Variants in TCTN2 observed in about 807,000 individuals in gnomAD.
TCTN2 encodes tectonic family member 2.
Under a neutral mutation model 83.4 loss-of-function variants are expected in TCTN2, and 66 were observed. The observed-to-expected ratio is 0.79, with a 90% CI of 0.65 to 0.97. TCTN2 has a LOEUF of 0.97. Ranked by LOEUF, TCTN2 falls within the 50% of genes least tolerant of loss-of-function variation. The pLI is 0.00. For missense variants in TCTN2, 794 were observed against 858.1 expected, an observed-to-expected ratio of 0.93 and a Z score of 0.93; for synonymous variants, 301 against 326.7, an observed-to-expected ratio of 0.92 and a Z score of 0.85.
chr12:123,688,436 C>T (rs971548334), intron 7 of TCTN2, among the ~76,000 whole-genome samples: 3 of 151,974 alleles, frequency 2.0e-5, no homozygotes, highest in South Asian at 2.1e-4. Flanking sequence ...TGGATGATCT[C>T]GATCTCTTGA....
At chr12:123,679,736 GTTT>G (rs768949387) in intron 5 of TCTN2, among the ~76,000 whole-genome samples, 2 of 105,738 alleles carry the variant, frequency 1.9e-5, no homozygotes, top group African/African-American at 7.0e-5. Context: ...TTCAAATTGA[GTTT>G]TTTTTTTTTT....
chr12:123,698,869 G>A (rs530024655), intron 13 of TCTN2, among the ~76,000 whole-genome samples: 1 of 152,250 alleles, frequency 6.6e-6, no homozygotes, highest in South Asian at 2.1e-4. Flanking sequence ...CTGATTATAG[G>A]TTTTGAGGCC....
chr12:123,689,905 A>G (rs1593851097), intron 7 of TCTN2, among the ~76,000 whole-genome samples: 1 of 152,130 alleles, frequency 6.6e-6, no homozygotes, highest in East Asian at 1.9e-4. Flanking sequence ...GGCTCAAGCA[A>G]TCCTCCCACC....
At chr12:123,677,944 T>C (rs1319038090) in intron 4 of TCTN2, among the ~76,000 whole-genome samples, 1 of 152,110 alleles carries the variant, frequency 6.6e-6, no homozygotes, top group African/African-American at 2.4e-5. Context: ...GTACAAACTC[T>C]TACGTGTGTT....
intron 5 of TCTN2, among the ~76,000 whole-genome samples, chr12:123,682,720 G>T (rs1364123114): frequency 1.3e-5 from 2 of 151,436 alleles, no homozygotes; most frequent in African/African-American, 4.8e-5. Context: ...GACCACAAGT[G>T]ATCCGCCCGC....
intron 5 of TCTN2, among the ~76,000 whole-genome samples, chr12:123,681,006 C>T (rs1314746921): frequency 1.3e-5 from 2 of 152,024 alleles, no homozygotes; most frequent in African/African-American, 2.4e-5. Flanking sequence ...AAGCAGCTCA[C>T]GCCTGTAATC....
chr12:123,692,598 A>AGTGTGATC (rs1956056551), intron 8 of TCTN2, 60 bp from the exon 9 acceptor site: 4 of 1,326,004 alleles, frequency 3.0e-6, no homozygotes, highest in Non-Finnish European at 4.4e-6. Context: ...ACTTTGAGTA[A>AGTGTGATC]GTGTGATCAT....
chr12:123,696,562 G>A, intron 12 of TCTN2, 67 bp downstream of exon 12: 2 of 1,378,338 alleles, frequency 1.5e-6, no homozygotes, highest in Non-Finnish European at 2.1e-6. Context: ...ACCATATTTT[G>A]AATCTAATCA....
At chr12:123,699,306 C>T (rs896727945) in intron 13 of TCTN2, among the ~76,000 whole-genome samples, 2 of 152,054 alleles carry the variant, frequency 1.3e-5, no homozygotes, top group Non-Finnish European at 2.9e-5. Context: ...AGGTGCATAC[C>T]ACCATGCCTG....
chr12:123,696,135 C>A, intron 11 of TCTN2: 1 of 400,486 alleles, frequency 2.5e-6, no homozygotes, highest in Non-Finnish European at 4.7e-6. Flanking sequence ...TGAGCCACTA[C>A]GCCTGGCCGA....
rs764896918 is a variant in TCTN2, at chr12:123,673,661, G to A, written c.314G>A (p.Cys105Tyr). 1.2e-6 allele frequency: 2 copies of A among 1,614,224 alleles called. No homozygotes were observed. Among genetic ancestry groups the A allele is most frequent in the Non-Finnish European group, 8.5e-7 (1 of 1,180,046 alleles). ...TVRWKRGLDWCSSNETDSFSE... is the reference protein window; with the variant it reads ...TVRWKRGLDWYSSNETDSFSE... ...AGGTGGAAGAGAGGTCTGGACTGGT[G>A]TTCCTCCAATGAGACAGATTCCTTC... Residue 105 changes from cysteine (C) to tyrosine (Y), a missense_variant, in exon 4 of 18, where the codon TGT (cysteine) becomes TAT (tyrosine). Coordinates refer to ENST00000303372, the MANE Select transcript of TCTN2 (RefSeq NM_024809.5).
intron 13 of TCTN2, 63 bp downstream of exon 13, chr12:123,697,261 C>A (rs1037312601): frequency 5.1e-6 from 6 of 1,169,136 alleles, no homozygotes; most frequent in Non-Finnish European, 7.7e-6. Context: ...TAATTCACTA[C>A]ATGAATATCA....
intron 15 of TCTN2, among the ~76,000 whole-genome samples, chr12:123,704,909 A>G (rs890031530): frequency 2.0e-5 from 3 of 152,088 alleles, no homozygotes; most frequent in African/African-American, 7.2e-5. Context: ...AGAGTCTGCA[A>G]GTTATTTTAG....
In TCTN2 at chr12:123,696,495, G is replaced by A. The variant is rs775309430; in HGVS notation, c.1393G>A (p.Ala465Thr). ...CACGACTTTACATCTTTGGCAATCG[G>A]GTAATCCGGTTTGGTCATTATGATT... ...NVTTLHLWQS[A>T]GRGLCTSATF... Residue 465 changes from alanine to threonine, a missense_variant and splice_region_variant, in exon 12 of 18, where the codon GCT (alanine) becomes ACT (threonine). By Grantham distance (58) the Ala-to-Thr change is moderately conservative (BLOSUM62 0). Transcript: ENST00000303372. 1 of 1,613,864 alleles carries A rather than the reference G, an allele frequency of 6.2e-7. No homozygotes were observed. The highest frequency in any genetic ancestry group is 8.5e-7 in the Non-Finnish European group (1 of 1,179,800).
At chr12:123,707,097 A>T (rs910341552) in intron 17 of TCTN2, 24 bp downstream of exon 17, 1 of 1,603,268 alleles carries the variant, frequency 6.2e-7, no homozygotes, top group African/African-American at 1.3e-5. Flanking sequence ...GATTTCTATG[A>T]CCAATTATGT....
chr12:123,703,563 CT>C (rs1487214490), intron 14 of TCTN2, among the ~76,000 whole-genome samples: 2 of 152,198 alleles, frequency 1.3e-5, no homozygotes, highest in African/African-American at 4.8e-5. Context: ...TCACGGCTTA[CT>C]GCAGCCTTGA....
intron 5 of TCTN2, 69 bp from the exon 6 acceptor site, chr12:123,686,767 A>G: frequency 6.8e-7 from 1 of 1,474,048 alleles, no homozygotes; most frequent in Admixed American, 1.7e-5. Flanking sequence ...AATAAGAGTT[A>G]GCATTCGCTA....
chr12:123,695,203 T>C lies in TCTN2; in HGVS notation c.1235-17T>C. ...GTGAAATGGTGCACATTATATTTTA[T>C]TTTGTTTTATTTCTAGGGATAATGA... On this transcript the variant is annotated splice_polypyrimidine_tract_variant and intron_variant, in intron 10 of 17. Coordinates refer to ENST00000303372, the MANE Select transcript of TCTN2 (RefSeq NM_024809.5). The C allele has an allele frequency of 6.6e-7, 1 of 1,512,388 alleles. No homozygotes were observed. Among genetic ancestry groups the C allele is most frequent in the Non-Finnish European group, 9.2e-7 (1 of 1,088,108 alleles). The allele number at this position is 1,512,388 out of a possible 1,614,324, so 93.7% of individuals were successfully genotyped here.
chr12:123,671,390 C>T (rs1955748411), intron 1 of TCTN2, 68 bp downstream of exon 1: 1 of 1,596,344 alleles, frequency 6.3e-7, no homozygotes, highest in African/African-American at 1.3e-5. Flanking sequence ...AAGGGCCAGA[C>T]TTGGACTCCC....
Sources: allele counts gnomAD v4.1 joint callset (sites outside exome capture counted in the v4.1 genomes callset), GRCh38; gene constraint gnomAD v4.1.1; transcripts MANE v1.5; gene names NCBI Gene and HGNC (gene_info 2026-07-23, HGNC 2026-07-21).